ABCA1: variants seen among roughly 807,000 people sequenced by gnomAD.
ABCA1 encodes phospholipid-transporting ATPase ABCA1.
In ABCA1, 133 loss-of-function variants were observed where a neutral mutation model predicts 262.5. The observed-to-expected ratio is 0.51, with a 90% CI of 0.44 to 0.59. ABCA1 has a LOEUF of 0.59. Ranked by LOEUF, ABCA1 falls within the 20% of genes least tolerant of loss-of-function variation. The pLI, the probability that ABCA1 is intolerant of heterozygous loss-of-function variation, is 0.00. For missense variants in ABCA1, 2,452 were observed against 2,777.5 expected (o/e 0.88, Z 2.63); for synonymous variants, 1,022 against 1,043.5 (o/e 0.98, Z 0.40).
chr9:104,786,922 C>T lies in ABCA1; in HGVS notation c.6259G>A (p.Ala2087Thr). ...PKARRFLWNC[A>T]LSVVKEGRSV... ...CTCCCCTCCTTGACAACACTTAGGG[C>T]ACAATTCCACAAGAACCGCCGGGCT... The change falls in exon 47 of 50, where the codon GCC becomes ACC. Residue 2087 changes from alanine to threonine, a missense_variant. By Grantham distance (58) the Ala-to-Thr change is moderately conservative. Around this residue, in one of 4 missense-constraint regions of ABCA1, gnomAD observed 752 missense variants for 944.5 expected, o/e 0.80. Transcript: ENST00000374736. 1.9e-6 allele frequency: 3 copies of T among 1,614,036 alleles called. No individual in the cohort carries two copies. Among genetic ancestry groups the T allele is most frequent in the Non-Finnish European group, 1.7e-6 (2 of 1,179,976 alleles).
At chr9:104,832,038 G>A (rs1564149575) in intron 12 of ABCA1, among the ~76,000 whole-genome samples, 1 of 152,080 alleles carries the variant, frequency 6.6e-6, no homozygotes, top group Non-Finnish European at 1.5e-5. Context: ...AGTAATTTAG[G>A]GATATGTTAT....
chr9:104,838,896 G>A (rs1183655511), intron 9 of ABCA1, among the ~76,000 whole-genome samples: 2 of 151,952 alleles, frequency 1.3e-5, no homozygotes, highest in Non-Finnish European at 2.9e-5. Context: ...GCAAGCTGGG[G>A]GAGAGGAGGA....
Position 104,787,933 on chromosome 9 carries a change from G to A in ABCA1, c.6191C>T (p.Pro2064Leu). The A allele has an allele frequency of 6.2e-7, 1 of 1,614,072 alleles. No homozygotes were observed. The highest frequency in any genetic ancestry group is 1.3e-5 in the African/African-American group (1 of 75,034). ...STAMALIGGP[P>L]VVFLDEPTTG... ...AGTTATACTCACCAGAAACACCACAGGAGGCCCGCCGATCAAAGCCATGGC... is the reference window on the plus strand; with the variant it reads ...AGTTATACTCACCAGAAACACCACAAGAGGCCCGCCGATCAAAGCCATGGC... The change falls in exon 46 of 50, where the codon CCT (proline) becomes CTT (leucine). Residue 2064 changes from proline to leucine, a missense_variant. Pro to Leu is a moderately conservative substitution (Grantham distance 98). Around this residue, in one of 4 missense-constraint regions of ABCA1, gnomAD observed 752 missense variants for 944.5 expected, o/e 0.80. Coordinates refer to ENST00000374736, the MANE Select transcript of ABCA1 (RefSeq NM_005502.4).
intron 25 of ABCA1, 76 bp from the exon 26 acceptor site, chr9:104,814,551 TTA>T: frequency 7.3e-7 from 1 of 1,364,608 alleles, no homozygotes; most frequent in Non-Finnish European, 1.0e-6. Flanking sequence ...GATTATTATA[TTA>T]CTGAGTGGCA....
At chr9:104,807,888 TAA>T (rs1830927170) in intron 30 of ABCA1, among the ~76,000 whole-genome samples, 1 of 146,950 alleles carries the variant, frequency 6.8e-6, no homozygotes, top group Non-Finnish European at 1.5e-5. Flanking sequence ...ATATATATTA[TAA>T]ATATATATTT....
intron 2 of ABCA1, among the ~76,000 whole-genome samples, chr9:104,894,946 A>G (rs1274269033): frequency 6.6e-6 from 1 of 152,246 alleles, no homozygotes; most frequent in African/African-American, 2.4e-5. Flanking sequence ...ATTTCTTTTC[A>G]TAATAGCCTC....
chr9:104,854,896 T>C (rs542382946), intron 7 of ABCA1, among the ~76,000 whole-genome samples: 1 of 152,296 alleles, frequency 6.6e-6, no homozygotes, highest in African/African-American at 2.4e-5. Context: ...TCCTAGAAAA[T>C]ACCTGACACA....
Position 104,828,925 on chromosome 9 carries a change from G to T in ABCA1, c.2106C>A (p.Val702=). 1 of 1,614,054 alleles carries T rather than the reference G, an allele frequency of 6.2e-7. No individual in the cohort carries two copies. Among genetic ancestry groups the T allele is most frequent in the South Asian group, 1.1e-5 (1 of 91,044 alleles). The change falls in exon 15 of 50, where the codon GTC becomes GTA. Residue 702 remains valine (V), a synonymous_variant. Coordinates refer to ENST00000374736, the MANE Select transcript of ABCA1 (RefSeq NM_005502.4). The part of the protein sequence containing the change: ...PLLVSAGLLV[V]ILKLGNLLPY... Reference sequence around the variant, plus strand: ...AGTGAGGCTGCCTTACCTTCAGGATGACCACTAGCAGGCCAGCGCTCACAA... The same window carrying T: ...AGTGAGGCTGCCTTACCTTCAGGATTACCACTAGCAGGCCAGCGCTCACAA...
chr9:104,821,938 A>G (rs1267056550), intron 19 of ABCA1, among the ~76,000 whole-genome samples: 1 of 152,190 alleles, frequency 6.6e-6, no homozygotes, highest in South Asian at 2.1e-4. Flanking sequence ...TTAAAAAAAG[A>G]TTAAAAAGAA....
intron 2 of ABCA1, among the ~76,000 whole-genome samples, chr9:104,893,361 G>A (rs898760262): frequency 4.8e-5 from 7 of 145,970 alleles, no homozygotes; most frequent in Non-Finnish European, 1.0e-4. Context: ...GACAGAGGTT[G>A]GGGTGAGCCA....
intron 1 of ABCA1, among the ~76,000 whole-genome samples, chr9:104,909,176 G>C (rs1307657668): frequency 6.6e-6 from 1 of 152,162 alleles, no homozygotes; most frequent in Non-Finnish European, 1.5e-5. Flanking sequence ...AACAACTGCA[G>C]CCTTAACTCT....
intron 7 of ABCA1, among the ~76,000 whole-genome samples, chr9:104,849,937 A>G (rs368951168): frequency 7.9e-5 from 12 of 152,386 alleles, no homozygotes; most frequent in African/African-American, 2.9e-4. Context: ...ATATTGTTAT[A>G]CATAGAATGT....
rs1480373872 is a variant in ABCA1 at position 104,846,467 on chromosome 9, G to A, written c.721-898C>T. Among the ~76,000 whole-genome samples, 8 of 152,280 alleles carry A rather than the reference G, an allele frequency of 5.3e-5. No individual in the cohort carries two copies. The East Asian group carries it at 1.5e-3, about 29-fold the overall frequency. The stretch of plus-strand genomic sequence containing the variant: ...AGTTTAGAGAAGGTTGGGCTATTTT[G>A]ACATTTGTCATATCAGAGACTGCTG... On this transcript the variant is annotated intron_variant, in intron 7 of 49. Coordinates refer to ENST00000374736, the MANE Select transcript of ABCA1 (RefSeq NM_005502.4).
At position 104,840,339 on chromosome 9, in the gene ABCA1, C is replaced by T; in HGVS notation, c.994G>A (p.Ala332Thr). 1 of 1,614,200 alleles carries T rather than the reference C, an allele frequency of 6.2e-7. No individual in the cohort carries two copies. The highest frequency in any genetic ancestry group is 1.3e-5 in the African/African-American group (1 of 75,050). The change falls in exon 9 of 50, where the codon GCC (alanine) becomes ACC (threonine). Residue 332 changes from alanine (A) to threonine (T), a missense_variant. Ala to Thr is a moderately conservative substitution (Grantham distance 58). Transcript: ENST00000374736. ...TCAGTGCCATTGCCTCCAAAGAGGG[C>T]TTTGTAGTTGTTGTCCTCATACCAG... ...LNWYEDNNYKALFGGNGTEED... is the reference protein window; with the variant it reads ...LNWYEDNNYKTLFGGNGTEED...
At chr9:104,830,505 CAT>C (rs1344467379) in intron 14 of ABCA1, among the ~76,000 whole-genome samples, 2 of 152,132 alleles carry the variant, frequency 1.3e-5, no homozygotes, top group East Asian at 3.9e-4. Context: ...GCCTGGGTAA[CAT>C]GGTGAAACCT....
intron 7 of ABCA1, chr9:104,855,549 T>A: frequency 1.0e-6 from 1 of 996,756 alleles, no homozygotes; most frequent in South Asian, 2.1e-5. Flanking sequence ...ACATAATTTC[T>A]ACTACTCATG....
At chr9:104,889,037 C>A in intron 3 of ABCA1, 65 bp downstream of exon 3, 1 of 1,398,026 alleles carries the variant, frequency 7.2e-7, no homozygotes, top group Non-Finnish European at 1.0e-6. Flanking sequence ...CCAATTTAGC[C>A]CACGTTAATT....
At position 104,817,342 on chromosome 9, in the gene ABCA1, C is replaced by T. The variant is rs775451654; in HGVS notation, c.3525G>A (p.Thr1175=). The T allele has an allele frequency of 1.1e-5, 18 of 1,614,052 alleles. No homozygotes were observed. Among genetic ancestry groups the T allele is most frequent in the East Asian group, 1.1e-4 (5 of 44,894 alleles). The part of the protein sequence containing the change: ...AGLGSDHESD[T]LTIDVSAISN... ...CCCCAGAGTCCTTACCGATGGTCAG[C>T]GTGTCACTCTCATGGTCGCTGCCCA... Residue 1175 remains threonine, a synonymous_variant, in exon 24 of 50, where the codon ACG becomes ACA. Coordinates refer to ENST00000374736, the MANE Select transcript of ABCA1 (RefSeq NM_005502.4). The surrounding 1 kb of genome is among the most constrained non-coding windows in gnomAD (Gnocchi z 4.7).
In ABCA1 at chr9:104,828,898, C is replaced by G. The variant is rs780152615; in HGVS notation, c.2115+18G>C. The G allele has an allele frequency of 6.8e-6, 11 of 1,612,242 alleles. No individual in the cohort carries two copies. In the African/African-American group the frequency reaches 1.5e-4, roughly 22 times the overall value. Reference sequence around the variant, plus strand: ...TTCGGAGTTTCCTGGCAGGGAAGAGCGAGTGAGGCTGCCTTACCTTCAGGA... The same window carrying G: ...TTCGGAGTTTCCTGGCAGGGAAGAGGGAGTGAGGCTGCCTTACCTTCAGGA... On this transcript the variant is annotated intron_variant, in intron 15 of 49. Transcript: ENST00000374736.
Sources: gnomAD v4.1 joint callset for allele counts (sites outside exome capture counted in the v4.1 genomes callset) on GRCh38, gnomAD v4.1.1 for gene constraint, gnomAD v4.1.1 regional missense constraint, Gnocchi (gnomAD v3.1) non-coding constraint, MANE v1.5 for transcripts, NCBI Gene and HGNC (gene_info 2026-07-23, HGNC 2026-07-21) for gene names.